PPP2R5D: variants seen among roughly 807,000 people sequenced by gnomAD.
PPP2R5D encodes protein phosphatase 2 regulatory subunit B'delta, also known as serine/threonine-protein phosphatase 2A 56 kDa regulatory subunit delta isoform.
Under a neutral mutation model 79.1 loss-of-function variants are expected in PPP2R5D, and 12 were observed. That is an observed-to-expected ratio of 0.15 (90% CI 0.10 to 0.25). PPP2R5D has a LOEUF of 0.25. PPP2R5D is among the 10% of genes least tolerant of loss of function. The pLI is 1.00. For synonymous variants in PPP2R5D, 277 were observed against 286.6 expected (o/e 0.97, Z 0.34); for missense variants, 419 against 760.2 (o/e 0.55, Z 5.28).
chr6:42,984,721 T>C lies in PPP2R5D; in HGVS notation c.27+17T>C, dbSNP rs749539879. The C allele has an allele frequency of 9.6e-5, 154 of 1,611,648 alleles. 1 individual carries two copies. In the Admixed American group the frequency reaches 2.4e-3, roughly 25 times the overall value. On this transcript the variant is annotated intron_variant, in intron 1 of 15. Coordinates refer to ENST00000485511, the MANE Select transcript of PPP2R5D (RefSeq NM_006245.4). ...AAGGAGAAGGTGAGCGTGGCCCTTT[T>C]TCCCCCACCGCCGCCTTGGAGCCTG...
In PPP2R5D at chr6:43,008,025, C is replaced by T. The variant is rs1446385188; in HGVS notation, c.817C>T (p.Arg273Trp). The T allele has an allele frequency of 2.5e-6, 4 of 1,614,044 alleles. No individual in the cohort carries two copies. Among genetic ancestry groups the T allele is most frequent in the Non-Finnish European group, 1.7e-6 (2 of 1,180,044 alleles). The change falls in exon 7 of 16, where the codon CGG becomes TGG. Residue 273 changes from arginine to tryptophan, a missense_variant. By Grantham distance (101) the Arg-to-Trp change is moderately radical. Around this residue, in one of 5 missense-constraint regions of PPP2R5D, gnomAD observed 196 missense variants for 424.5 expected, o/e 0.46. Transcript: ENST00000485511. The surrounding 1 kb of genome is among the most constrained non-coding windows in gnomAD (Gnocchi z 4.2). ...CATCTATGGCAAGTTTTTGGGGCTC[C>T]GGGCTTATATCCGTAGGCAGATCAA... ...HRIYGKFLGLRAYIRRQINHI... is the reference protein window; with the variant it reads ...HRIYGKFLGLWAYIRRQINHI...
rs1393415416 is a variant in PPP2R5D at position 42,989,594 on chromosome 6, TC to T, written c.28-16del. ...CTCCTGGCATCTGCTAACTTTACTTTCATCTTTTCCTTTCAGGAGCCCCCCA... is the reference window on the plus strand; with the variant it reads ...CTCCTGGCATCTGCTAACTTTACTTTATCTTTTCCTTTCAGGAGCCCCCCA... On this transcript the variant is annotated splice_polypyrimidine_tract_variant and intron_variant, in intron 1 of 15. Transcript: ENST00000485511. 6 of 1,602,770 alleles carry T rather than the reference TC, an allele frequency of 3.7e-6. No individual in the cohort carries two copies. The highest frequency in any genetic ancestry group is 5.1e-6 in the Non-Finnish European group (6 of 1,170,814).
intron 2 of PPP2R5D, among the ~76,000 whole-genome samples, chr6:42,998,015 TTATATATATATATATATATATA>T (rs1561843629): frequency 0.053 from 1,705 of 32,320 alleles, 57 homozygotes; most frequent in Non-Finnish European, 0.071. Flanking sequence ...TGGGTTTTAT[TTATATATATATATATATATATA>T]TATATATATA....
At position 43,011,130 on chromosome 6, in the gene PPP2R5D, T is replaced by G. The variant is rs200769220; in HGVS notation, c.1672-19T>G. The G allele has an allele frequency of 1.0e-4, 162 of 1,613,982 alleles. No individual in the cohort carries two copies. The highest frequency in any genetic ancestry group is 1.4e-4 in the Non-Finnish European group (160 of 1,179,976). Reference sequence around the variant, plus strand: ...GGGAATTGGTCACCATTCCTCACCTTGTCCCTATTCACACACAGATGCTAA... The same window carrying G: ...GGGAATTGGTCACCATTCCTCACCTGGTCCCTATTCACACACAGATGCTAA... On this transcript the variant is annotated intron_variant, in intron 15 of 15. Coordinates refer to ENST00000485511, the MANE Select transcript of PPP2R5D (RefSeq NM_006245.4).
At position 43,011,581 on chromosome 6, in the gene PPP2R5D, C is replaced by T; in HGVS notation, c.*295C>T. On this transcript the variant is annotated 3_prime_UTR_variant, in exon 16 of 16. Transcript: ENST00000485511. ...GCTCCTCACCCACAGCTACCTGAGG[C>T]TGCTCTGAGAAGTACACACAGGAAT... 2.1e-6 allele frequency: 1 copy of T among 485,410 alleles called. No homozygotes were observed. Among genetic ancestry groups the T allele is most frequent in the Non-Finnish European group, 3.7e-6 (1 of 266,730 alleles). The allele number at this position is 485,410 out of a possible 1,614,324, so 30.1% of individuals were successfully genotyped here. A position where few individuals can be genotyped will look rare whatever the true frequency, so the allele number is the denominator to read the frequency against.
intron 2 of PPP2R5D, among the ~76,000 whole-genome samples, chr6:43,002,345 A>G (rs1761788417): frequency 6.6e-6 from 1 of 152,004 alleles, no homozygotes; most frequent in Non-Finnish European, 1.5e-5. Context: ...TTGTATCTTT[A>G]GTAGAGGCAG....
chr6:43,008,139 G>A lies in PPP2R5D; in HGVS notation c.858-62G>A. 1.9e-6 allele frequency: 3 copies of A among 1,613,894 alleles called. No individual in the cohort carries two copies. The highest frequency in any genetic ancestry group is 2.5e-6 in the Non-Finnish European group (3 of 1,179,876). On this transcript the variant is annotated intron_variant, in intron 7 of 15. Coordinates refer to ENST00000485511, the MANE Select transcript of PPP2R5D (RefSeq NM_006245.4). The surrounding 1 kb of genome is among the most constrained non-coding windows in gnomAD (Gnocchi z 4.2). ...TGGGGTGGGAGCAGGGAGGTGGGGGGACTGTACAGAATGCTGGAGGGACAT... is the reference window on the plus strand; with the variant it reads ...TGGGGTGGGAGCAGGGAGGTGGGGGAACTGTACAGAATGCTGGAGGGACAT...
chr6:42,985,417 G>A (rs527323449), intron 1 of PPP2R5D, among the ~76,000 whole-genome samples: 2 of 152,122 alleles, frequency 1.3e-5, no homozygotes, highest in Non-Finnish European at 2.9e-5. Flanking sequence ...ACAGGGCAAG[G>A]GACTTGTCCA....
At position 43,007,509 on chromosome 6, in the gene PPP2R5D, G is replaced by A. The variant is rs2150279083; in HGVS notation, c.726+3G>A. On this transcript the variant is annotated splice_donor_region_variant and intron_variant, in intron 6 of 15. Coordinates refer to ENST00000485511, the MANE Select transcript of PPP2R5D (RefSeq NM_006245.4). The surrounding 1 kb of genome is among the most constrained non-coding windows in gnomAD (Gnocchi z 4.5). The stretch of plus-strand genomic sequence containing the variant: ...TCGACCAGAAGTTTGTACTTGCTGT[G>A]AGTCCCCGAGTTCCTGTCCTTGCCC... 6.2e-7 allele frequency: 1 copy of A among 1,600,052 alleles called. No homozygotes were observed. The highest frequency in any genetic ancestry group is 8.6e-7 in the Non-Finnish European group (1 of 1,167,230).
At chr6:42,995,709 C>T (rs561110260) in intron 2 of PPP2R5D, among the ~76,000 whole-genome samples, 129 of 149,690 alleles carry the variant, frequency 8.6e-4, no homozygotes, top group Non-Finnish European at 1.4e-3. Flanking sequence ...CTCACCACCA[C>T]GCCCAACTAA....
intron 2 of PPP2R5D, among the ~76,000 whole-genome samples, chr6:42,997,957 G>A (rs1212302576): frequency 1.5e-5 from 2 of 135,740 alleles, no homozygotes; most frequent in East Asian, 2.3e-4. Flanking sequence ...GGTTACAGAC[G>A]TGAGCCGCCA....
In PPP2R5D at chr6:43,012,117, C is replaced by A; in HGVS notation, c.*831C>A. 2.5e-6 allele frequency: 2 copies of A among 794,582 alleles called. No homozygotes were observed. Among genetic ancestry groups the A allele is most frequent in the Non-Finnish European group, 3.1e-6 (2 of 648,738 alleles). The allele number at this position is 794,582 out of a possible 1,614,324, so 49.2% of individuals were successfully genotyped here. A position where few individuals can be genotyped will look rare whatever the true frequency, so the allele number is the denominator to read the frequency against. On this transcript the variant is annotated 3_prime_UTR_variant, in exon 16 of 16. Transcript: ENST00000485511. Reference sequence around the variant, plus strand: ...GCTCCTGCCAACACCTATTTATTTCCTTGTTTGTGCTATGCTGGGCAGGCC... The same window carrying A: ...GCTCCTGCCAACACCTATTTATTTCATTGTTTGTGCTATGCTGGGCAGGCC...
chr6:43,011,364 A>G lies in PPP2R5D; in HGVS notation c.*78A>G. On this transcript the variant is annotated 3_prime_UTR_variant, in exon 16 of 16. Transcript: ENST00000485511. ...CCTGGCCCTCCATACTCTGCTCCCT[A>G]CTGGCTGTCTTGGGGGAAGGCAGCG... is the stretch of plus-strand genomic sequence containing the variant. 6.4e-7 allele frequency: 1 copy of G among 1,572,946 alleles called. No individual in the cohort carries two copies.
At position 43,011,295 on chromosome 6, in the gene PPP2R5D, GT is replaced by G; in HGVS notation, c.*11del. On this transcript the variant is annotated 3_prime_UTR_variant, in exon 16 of 16. Transcript: ENST00000485511. Reference sequence around the variant, plus strand: ...GCCAGGAGGCTCTCTGACCCCTCACGTTCCTACCACAGGGCCACAGCCCACA... The same window carrying G: ...GCCAGGAGGCTCTCTGACCCCTCACGTCCTACCACAGGGCCACAGCCCACA... The G allele has an allele frequency of 6.2e-7, 1 of 1,613,544 alleles. No homozygotes were observed. The highest frequency in any genetic ancestry group is 8.5e-7 in the Non-Finnish European group (1 of 1,179,942).
rs1413917107 is a variant in PPP2R5D at position 43,010,702 on chromosome 6, A to G, written c.1520A>G (p.Gln507Arg). 1.9e-6 allele frequency: 3 copies of G among 1,613,996 alleles called. No homozygotes were observed. The South Asian group carries it at 3.3e-5, about 18-fold the overall frequency. The change falls in exon 14 of 16, where the codon CAA becomes CGA. Residue 507 changes from glutamine to arginine, a missense_variant. Gln to Arg is a conservative substitution (Grantham distance 43). Around this residue, in one of 5 missense-constraint regions of PPP2R5D, gnomAD observed 196 missense variants for 424.5 expected, o/e 0.46. Coordinates refer to ENST00000485511, the MANE Select transcript of PPP2R5D (RefSeq NM_006245.4). This position sits in a 1 kb window ranked among gnomAD's most constrained non-coding sequence, Gnocchi z 4.7. ...FRMKEREEMW[Q>R]KIEELARLNP... is the part of the protein sequence containing the mutation. ...ATGAAGGAAAGGGAAGAGATGTGGC[A>G]AAAAATCGAGGAGCTGGCCCGGCTT...
chr6:43,011,064 G>C (rs1268361148), intron 15 of PPP2R5D, 67 bp downstream of exon 15: 2 of 1,609,800 alleles, frequency 1.2e-6, no homozygotes, highest in Admixed American at 3.3e-5. Context: ...GACAGAAACA[G>C]CAGAGCCAAA....
chr6:42,987,983 T>C (rs1770978789), intron 1 of PPP2R5D, among the ~76,000 whole-genome samples: 1 of 152,132 alleles, frequency 6.6e-6, no homozygotes, highest in Middle Eastern at 3.2e-3. Context: ...CTCCACCCCA[T>C]GCTCTCAGCC....
At chr6:43,002,617 C>G (rs994744254) in intron 2 of PPP2R5D, among the ~76,000 whole-genome samples, 4 of 152,126 alleles carry the variant, frequency 2.6e-5, no homozygotes, top group African/African-American at 9.7e-5. Flanking sequence ...GACCTCAGAC[C>G]TCCAGATGCC....
At chr6:42,985,840 C>T (rs868349457) in intron 1 of PPP2R5D, among the ~76,000 whole-genome samples, 13 of 149,322 alleles carry the variant, frequency 8.7e-5, no homozygotes, top group African/African-American at 3.2e-4. Context: ...TGCAATGGCG[C>T]GATCTCGGCT....
Sources: gnomAD v4.1 joint callset for allele counts (sites outside exome capture counted in the v4.1 genomes callset) on GRCh38, gnomAD v4.1.1 for gene constraint, gnomAD v4.1.1 regional missense constraint, Gnocchi (gnomAD v3.1) non-coding constraint, MANE v1.5 for transcripts, NCBI Gene and HGNC (gene_info 2026-07-23, HGNC 2026-07-21) for gene names.